The following SCAPER variants were observed in gnomAD, a reference collection of about 807,000 sequenced individuals.
The protein encoded by SCAPER is S phase cyclin A-associated protein in the endoplasmic reticulum.
SCAPER carries 98 observed loss-of-function variants against 182.2 expected under a neutral mutation model. That is an observed-to-expected ratio of 0.54 (90% CI 0.46 to 0.64). The LOEUF is 0.64. Ranked by LOEUF, SCAPER falls within the 30% of genes least tolerant of loss-of-function variation. The pLI is 0.00. For synonymous variants in SCAPER, 605 were observed against 564.6 expected (o/e 1.07, Z -1.01); for missense variants, 1,432 against 1,690.0 (o/e 0.85, Z 2.68).
intron 21 of SCAPER, among the ~76,000 whole-genome samples, chr15:76,657,930 C>T (rs1162990039): frequency 6.6e-6 from 1 of 152,130 alleles, no homozygotes; most frequent in African/African-American, 2.4e-5. Flanking sequence ...ATAATTAGAA[C>T]TGTATATGTC....
intron 24 of SCAPER, chr15:76,472,322 AACAGACCAGGC>A: frequency 1.5e-6 from 1 of 682,780 alleles, no homozygotes; most frequent in East Asian, 3.1e-5. Context: ...AAGATGCCAA[AACAGACCAGGC>A]ACAGAAAGCT....
At chr15:76,670,431 T>C (rs891113207) in intron 20 of SCAPER, among the ~76,000 whole-genome samples, 27 of 152,162 alleles carry the variant, frequency 1.8e-4, no homozygotes, top group African/African-American at 5.8e-4. Flanking sequence ...TGCCTTATTG[T>C]TAGACATGTG....
At chr15:76,782,596 T>C (rs902288502) in intron 8 of SCAPER, among the ~76,000 whole-genome samples, 6 of 152,024 alleles carry the variant, frequency 3.9e-5, no homozygotes, top group East Asian at 1.9e-4. Context: ...CAGCACCACA[T>C]AGCACTTATT....
chr15:76,493,898 C>A (rs912948527), intron 24 of SCAPER, among the ~76,000 whole-genome samples: 2 of 152,116 alleles, frequency 1.3e-5, no homozygotes, highest in Non-Finnish European at 2.9e-5. Flanking sequence ...GAGTATTTAT[C>A]AATCACTATT....
intron 27 of SCAPER, among the ~76,000 whole-genome samples, chr15:76,399,898 G>A (rs1385689109): frequency 2.0e-5 from 3 of 151,858 alleles, no homozygotes; most frequent in African/African-American, 7.3e-5. Context: ...CCAGCTATTC[G>A]GGAGGCTGAG....
At chr15:76,351,050 G>A (rs1436206846) in intron 31 of SCAPER, 187 bp downstream of exon 31, 2 of 472,446 alleles carry the variant, frequency 4.2e-6, no homozygotes, top group African/African-American at 4.0e-5. Context: ...TACATATTTG[G>A]ATGCATTCAT....
intron 21 of SCAPER, among the ~76,000 whole-genome samples, chr15:76,655,585 C>G (rs1336155257): frequency 6.6e-6 from 1 of 152,160 alleles, no homozygotes; most frequent in East Asian, 1.9e-4. Flanking sequence ...GCAAGACATA[C>G]AGTCATCAGA....
intron 23 of SCAPER, among the ~76,000 whole-genome samples, chr15:76,570,319 C>A (rs1222288933): frequency 1.3e-5 from 2 of 151,938 alleles, no homozygotes; most frequent in South Asian, 4.2e-4. Flanking sequence ...TAGATGCCAA[C>A]ATTTTTTTTT....
At chr15:76,771,477 G>T (rs1051123366) in intron 10 of SCAPER, among the ~76,000 whole-genome samples, 18 of 151,984 alleles carry the variant, frequency 1.2e-4, no homozygotes, top group Non-Finnish European at 2.1e-4. Context: ...TTAATTCTGG[G>T]CTAAGAGCAT....
chr15:76,493,260 TAAC>T (rs1000805092), intron 24 of SCAPER, among the ~76,000 whole-genome samples: 5 of 152,222 alleles, frequency 3.3e-5, no homozygotes, highest in Non-Finnish European at 5.9e-5. Flanking sequence ...AACATTTTAA[TAAC>T]AACAAAATTA....
intron 29 of SCAPER, among the ~76,000 whole-genome samples, chr15:76,355,254 A>G (rs1468857115): frequency 6.6e-6 from 1 of 152,196 alleles, no homozygotes; most frequent in East Asian, 1.9e-4. Flanking sequence ...TAGTTCACAT[A>G]TTTTCGTTCA....
intron 26 of SCAPER, among the ~76,000 whole-genome samples, chr15:76,425,699 T>C (rs961422434): frequency 7.9e-5 from 12 of 152,228 alleles, no homozygotes; most frequent in African/African-American, 2.9e-4. Context: ...GCTCTGATTT[T>C]TAGAATTTTC....
chr15:76,665,144 G>A (rs74639212), intron 21 of SCAPER, among the ~76,000 whole-genome samples: 2,910 of 152,240 alleles, frequency 0.019, 83 homozygotes, highest in African/African-American at 0.067. Flanking sequence ...CTGATCTTCA[G>A]ATGACACTTT....
At chr15:76,454,316 C>T (rs1006810192) in intron 25 of SCAPER, among the ~76,000 whole-genome samples, 5 of 152,028 alleles carry the variant, frequency 3.3e-5, no homozygotes, top group East Asian at 1.9e-4. Flanking sequence ...TGTATTTGAC[C>T]GCTTGTTTGA....
intron 22 of SCAPER, among the ~76,000 whole-genome samples, chr15:76,583,399 C>A (rs2048409494): frequency 6.7e-6 from 1 of 148,636 alleles, no homozygotes; most frequent in African/African-American, 2.5e-5. Context: ...CATGGATAAC[C>A]AAAGCAAAAA....
chr15:76,350,461 G>C (rs1235471846), intron 31 of SCAPER: 1 of 151,468 alleles, frequency 6.6e-6, no homozygotes, highest in Non-Finnish European at 1.5e-5. Context: ...GCCCTAAAGG[G>C]TCCTGCTGGG....
intron 15 of SCAPER, among the ~76,000 whole-genome samples, chr15:76,738,451 A>G (rs2404602): frequency 0.48 from 72,081 of 151,048 alleles, 18,508 homozygotes; most frequent in Middle Eastern, 0.65. Context: ...CTTAGAGGCC[A>G]CTCGTGAACC....
intron 29 of SCAPER, among the ~76,000 whole-genome samples, chr15:76,373,501 G>C (rs2042330485): frequency 6.6e-6 from 1 of 152,178 alleles, no homozygotes; most frequent in Non-Finnish European, 1.5e-5. Context: ...GTTTGTAAGA[G>C]ATCTGTGAAC....
At position 76,836,615 on chromosome 15, in the gene SCAPER, G is replaced by A. The variant is rs562272245; in HGVS notation, c.393+5119C>T. 1.1e-3 allele frequency among the ~76,000 whole-genome samples: 170 copies of A among 152,258 alleles called. 2 individuals carry two copies. The highest frequency in any genetic ancestry group is 3.9e-3 in the African/African-American group (161 of 41,566). Reference sequence around the variant, plus strand: ...AGGCTGGGCACGGTGGCTCACACCTGTAAATCCCAGCACTCTGGGAGGCTG... The same window carrying A: ...AGGCTGGGCACGGTGGCTCACACCTATAAATCCCAGCACTCTGGGAGGCTG... On this transcript the variant is annotated intron_variant, in intron 5 of 31. Coordinates refer to ENST00000563290, the MANE Select transcript of SCAPER (RefSeq NM_020843.4).
Sources: gnomAD v4.1 joint callset for allele counts (sites outside exome capture counted in the v4.1 genomes callset) on GRCh38, gnomAD v4.1.1 for gene constraint, MANE v1.5 for transcripts, NCBI Gene and HGNC (gene_info 2026-07-23, HGNC 2026-07-21) for gene names.